The following DLGAP2 variants were observed in gnomAD, a reference collection of about 807,000 sequenced individuals.
DLGAP2 encodes DLG associated protein 2, also known as disks large-associated protein 2.
In DLGAP2, 26 loss-of-function variants were observed where a neutral mutation model predicts 100.3. That is an observed-to-expected ratio of 0.26 (90% CI 0.19 to 0.36). The LOEUF is 0.36. Among genes scored for constraint, DLGAP2 ranks in the 10% least tolerant of loss-of-function variants. DLGAP2 has a pLI of 1.00. For missense variants in DLGAP2, 1,858 were observed against 1,453.2 expected (o/e 1.28, Z -4.53); for synonymous variants, 886 against 630.1 (o/e 1.41, Z -6.08).
At chr8:1,451,835 G>C (rs10780153) in intron 3 of DLGAP2, among the ~76,000 whole-genome samples, 79,430 of 152,010 alleles carry the variant, frequency 0.52, 21,320 homozygotes, top group East Asian at 0.84. Flanking sequence ...GCCCACATTC[G>C]CTGCGATCAT....
intron 5 of DLGAP2, among the ~76,000 whole-genome samples, chr8:1,560,642 G>A (rs150375016): frequency 6.6e-5 from 10 of 152,298 alleles, no homozygotes; most frequent in African/African-American, 2.4e-4. Context: ...TCCACTGCCC[G>A]CCACCTGGCC....
chr8:1,496,475 C>T (rs913057908), intron 3 of DLGAP2, among the ~76,000 whole-genome samples: 2 of 152,200 alleles, frequency 1.3e-5, no homozygotes, highest in East Asian at 3.9e-4. Flanking sequence ...GGGAAGCATC[C>T]TGCTTCCTTC....
chr8:1,532,489 G>T (rs551834987), intron 4 of DLGAP2, among the ~76,000 whole-genome samples: 1 of 152,034 alleles, frequency 6.6e-6, no homozygotes, highest in South Asian at 2.1e-4. Flanking sequence ...TTTTCATATG[G>T]AATACTATAA....
rs145493871 is a variant in DLGAP2, at chr8:1,594,805, T to C, written c.1442+28911T>C. ...GTTTTTTTAAAAAAAAGTTAAACAT[T>C]TTAAAAGTCGAACACTCATTCCTGC... On this transcript the variant is annotated intron_variant, in intron 6 of 14. Coordinates refer to ENST00000637795, the MANE Select transcript of DLGAP2 (RefSeq NM_001346810.2). Among the ~76,000 whole-genome samples, 29 of 152,272 alleles carry C rather than the reference T, an allele frequency of 1.9e-4. No homozygotes were observed. In the East Asian group the frequency reaches 1.9e-3, roughly 10 times the overall value.
chr8:1,251,683 T>C (rs911715906), intron 2 of DLGAP2, among the ~76,000 whole-genome samples: 16 of 152,368 alleles, frequency 1.1e-4, no homozygotes, highest in African/African-American at 3.8e-4. Flanking sequence ...AATACAGTCA[T>C]GTGATCGTGG....
intron 2 of DLGAP2, among the ~76,000 whole-genome samples, chr8:1,049,477 T>A (rs1802610665): frequency 6.6e-6 from 1 of 152,110 alleles, no homozygotes; most frequent in East Asian, 1.9e-4. Flanking sequence ...GGAATACAAT[T>A]TACCCTTTTA....
chr8:1,496,334 C>A (rs1052894503), intron 3 of DLGAP2, among the ~76,000 whole-genome samples: 1 of 152,040 alleles, frequency 6.6e-6, no homozygotes, highest in African/African-American at 2.4e-5. Context: ...GCATGGGGGT[C>A]GGAACCTGCA....
intron 1 of DLGAP2, among the ~76,000 whole-genome samples, chr8:785,568 C>CTCG (rs1821833278): frequency 7.0e-6 from 1 of 143,148 alleles, no homozygotes; most frequent in African/African-American, 2.6e-5. Context: ...ACCGGCCTCC[C>CTCG]TCCCCTCAGG....
At chr8:1,126,506 G>T (rs955319452) in intron 2 of DLGAP2, among the ~76,000 whole-genome samples, 2 of 152,014 alleles carry the variant, frequency 1.3e-5, no homozygotes, top group Non-Finnish European at 2.9e-5. Flanking sequence ...ATCTCTCATC[G>T]TGCTGTGCGT....
chr8:1,000,073 C>T (rs1238795312), intron 2 of DLGAP2, among the ~76,000 whole-genome samples: 4 of 145,276 alleles, frequency 2.8e-5, no homozygotes, highest in Admixed American at 1.4e-4. Context: ...CAGAGAGATC[C>T]GGGTGGAGGT....
At chr8:1,278,641 A>G (rs1411356047) in intron 3 of DLGAP2, among the ~76,000 whole-genome samples, 1 of 152,340 alleles carries the variant, frequency 6.6e-6, no homozygotes, top group East Asian at 1.9e-4. Flanking sequence ...ATCCCTGTGT[A>G]GCTGGTGCCT....
At chr8:939,860 G>A (rs1326818594) in intron 2 of DLGAP2, among the ~76,000 whole-genome samples, 3 of 151,452 alleles carry the variant, frequency 2.0e-5, no homozygotes, top group African/African-American at 7.3e-5. Context: ...GGAGTGGGAG[G>A]TGCAGACACA....
intron 8 of DLGAP2, among the ~76,000 whole-genome samples, chr8:1,636,845 A>G (rs1797778076): frequency 6.6e-6 from 1 of 152,268 alleles, no homozygotes; most frequent in African/African-American, 2.4e-5. Context: ...TTTAAAGGAA[A>G]AGAAACTGAA....
At chr8:792,363 C>T (rs73181023) in intron 1 of DLGAP2, among the ~76,000 whole-genome samples, 4,946 of 152,138 alleles carry the variant, frequency 0.033, 137 homozygotes, top group Middle Eastern at 0.092. Flanking sequence ...TTTTCCCTTC[C>T]TAATATTTAT....
chr8:1,482,948 C>A (rs1056362914), intron 3 of DLGAP2, among the ~76,000 whole-genome samples: 1 of 152,246 alleles, frequency 6.6e-6, no homozygotes, highest in South Asian at 2.1e-4. Context: ...AGCATTTAGC[C>A]CTCCCACAGC....
intron 1 of DLGAP2, among the ~76,000 whole-genome samples, chr8:780,989 C>T (rs73539407): frequency 0.012 from 1,791 of 152,304 alleles, 47 homozygotes; most frequent in African/African-American, 0.041. Context: ...AATTACATTT[C>T]TCTCCATGAG....
chr8:930,801 G>A (rs1168860309), intron 2 of DLGAP2, among the ~76,000 whole-genome samples: 1 of 152,228 alleles, frequency 6.6e-6, no homozygotes. Flanking sequence ...GCTGTCCTGT[G>A]AACAGTGAAA....
intron 6 of DLGAP2, among the ~76,000 whole-genome samples, chr8:1,622,854 A>C (rs1305322130): frequency 6.6e-6 from 1 of 152,102 alleles, no homozygotes; most frequent in Non-Finnish European, 1.5e-5. Context: ...ATGCCCCGGG[A>C]TGTAGGAGGG....
At chr8:1,266,480 A>G (rs1479494632) in intron 3 of DLGAP2, among the ~76,000 whole-genome samples, 1 of 152,184 alleles carries the variant, frequency 6.6e-6, no homozygotes, top group Non-Finnish European at 1.5e-5. Flanking sequence ...GGCCAGCCAT[A>G]AATAACTATT....
Sources: allele counts gnomAD v4.1 joint callset (sites outside exome capture counted in the v4.1 genomes callset), GRCh38; gene constraint gnomAD v4.1.1; transcripts MANE v1.5; gene names NCBI Gene and HGNC (gene_info 2026-07-23, HGNC 2026-07-21).